The following HOXA3 variants were observed in gnomAD, a reference collection of about 807,000 sequenced individuals.
HOXA3 encodes the protein homeobox protein Hox-A3.
In HOXA3, 8 loss-of-function variants were observed where a neutral mutation model predicts 30.3. The ratio of observed to expected loss-of-function variants is 0.26; its 90% CI spans 0.15 to 0.48. HOXA3 has a LOEUF of 0.48. Ranked by LOEUF, HOXA3 falls within the 20% of genes least tolerant of loss-of-function variation. The probability of loss-of-function intolerance (pLI) is 0.99; values close to 1 mark genes in which losing one functional copy is unlikely to be tolerated. For synonymous variants in HOXA3, 323 were observed against 273.1 expected, an observed-to-expected ratio of 1.18 and a Z score of -1.80; for missense variants, 653 against 614.4, an observed-to-expected ratio of 1.06 and a Z score of -0.66.
In HOXA3 at chr7:27,132,874, C is replaced by G. The variant is rs375759587; in HGVS notation, c.-389-5804G>C. 4.6e-5 allele frequency among the ~76,000 whole-genome samples: 7 copies of G among 152,300 alleles called. No individual in the cohort carries two copies. The South Asian group carries it at 1.4e-3, about 32-fold the overall frequency. The stretch of plus-strand genomic sequence containing the variant: ...TCTTCCCTCCTTCTCATGTCATCAG[C>G]CTTGAGTACTAGGGTCTTAACCATA... On this transcript the variant is annotated intron_variant, in intron 2 of 5. Coordinates refer to ENST00000612286, the MANE Select transcript of HOXA3 (RefSeq NM_153631.3).
chr7:27,129,751 G>T (rs1785439868), intron 2 of HOXA3, among the ~76,000 whole-genome samples: 1 of 152,198 alleles, frequency 6.6e-6, no homozygotes, highest in Non-Finnish European at 1.5e-5. Context: ...ACAGGCTATT[G>T]ACAACGGGAA....
At chr7:27,119,327 G>C (rs1784895884) in intron 4 of HOXA3, among the ~76,000 whole-genome samples, 1 of 151,834 alleles carries the variant, frequency 6.6e-6, no homozygotes, top group South Asian at 2.1e-4. Context: ...TTCCTATAGA[G>C]ATATCAACTC....
chr7:27,113,137 G>A lies in HOXA3; in HGVS notation c.-120-2377C>T, dbSNP rs1784472701. Among the ~76,000 whole-genome samples the A allele has an allele frequency of 6.6e-6, 1 of 152,162 alleles. No individual in the cohort carries two copies. Among genetic ancestry groups the A allele is most frequent in the African/African-American group, 2.4e-5 (1 of 41,418 alleles). On this transcript the variant is annotated intron_variant, in intron 4 of 5. Transcript: ENST00000612286. This position sits in a 1 kb window ranked among gnomAD's most constrained non-coding sequence, Gnocchi z 4.8. ...TCTGTACCGCCAAGCAAGGGCTGGG[G>A]ATGAGGGGAGATTCCTCCACAAAGA... is the stretch of plus-strand genomic sequence containing the variant.
intron 3 of HOXA3, chr7:27,124,220 C>T (rs1178059655): frequency 6.6e-6 from 1 of 152,288 alleles, no homozygotes; most frequent in East Asian, 1.9e-4. Flanking sequence ...CGTGGCCTCT[C>T]TCTCCGCGTT....
intron 2 of HOXA3, among the ~76,000 whole-genome samples, chr7:27,127,970 T>C (rs971252863): frequency 6.6e-6 from 1 of 152,230 alleles, no homozygotes; most frequent in Non-Finnish European, 1.5e-5. Context: ...TCCCAGTCTG[T>C]AGTTAGTGAA....
chr7:27,135,043 T>C (rs1785670236), intron 2 of HOXA3, among the ~76,000 whole-genome samples: 2 of 152,280 alleles, frequency 1.3e-5, no homozygotes, highest in South Asian at 4.1e-4. Context: ...TCTAGATGCA[T>C]GAAAAATAAA....
At chr7:27,146,683 G>A (rs1234799633) in intron 1 of HOXA3, among the ~76,000 whole-genome samples, 1 of 152,128 alleles carries the variant, frequency 6.6e-6, no homozygotes, top group Admixed American at 6.5e-5. Flanking sequence ...AGGGTGGTGG[G>A]GGGTCCCTCC....
intron 1 of HOXA3, chr7:27,143,400 C>T: frequency 6.2e-7 from 1 of 1,607,696 alleles, no homozygotes; most frequent in African/African-American, 1.3e-5. Context: ...TAGCTGCGGG[C>T]GCGCTCTCCG....
rs1784534839 is a variant in HOXA3, at chr7:27,113,991, TG to T, written c.-120-3232del. On this transcript the variant is annotated intron_variant, in intron 4 of 5. Transcript: ENST00000612286. This position sits in a 1 kb window ranked among gnomAD's most constrained non-coding sequence, Gnocchi z 4.8. Reference sequence around the variant, plus strand: ...TCTGCCTGGGCTAGTGGCACCGACTTGGGTATGTTTCTTATGAATATTACAC... The same window carrying T: ...TCTGCCTGGGCTAGTGGCACCGACTTGGTATGTTTCTTATGAATATTACAC... 7.0e-6 allele frequency: 1 copy of T among 142,478 alleles called. No homozygotes were observed. The highest frequency in any genetic ancestry group is 2.5e-4 in the South Asian group (1 of 4,004). The allele number at this position is 142,478 out of a possible 1,614,324, so 8.8% of individuals were successfully genotyped here. A position where few individuals can be genotyped will look rare whatever the true frequency, so the allele number is the denominator to read the frequency against.
At chr7:27,110,069 C>T in intron 5 of HOXA3, 46 bp downstream of exon 5, 1 of 1,612,640 alleles carries the variant, frequency 6.2e-7, no homozygotes, top group Non-Finnish European at 8.5e-7. Flanking sequence ...AGCTTGGGGA[C>T]CAGGAGCCAG....
At chr7:27,118,855 C>T (rs912812261) in intron 4 of HOXA3, among the ~76,000 whole-genome samples, 1 of 152,150 alleles carries the variant, frequency 6.6e-6, no homozygotes, top group Non-Finnish European at 1.5e-5. Flanking sequence ...TTGCTAACAC[C>T]CACACCATAC....
At chr7:27,118,295 G>T (rs1253793548) in intron 4 of HOXA3, among the ~76,000 whole-genome samples, 1 of 152,208 alleles carries the variant, frequency 6.6e-6, no homozygotes, top group Non-Finnish European at 1.5e-5. Flanking sequence ...GTGCGTGGGG[G>T]TTGGGGGAAA....
At position 27,108,329 on chromosome 7, in the gene HOXA3, C is replaced by T; in HGVS notation, c.918G>A (p.Gly306=). The T allele has an allele frequency of 6.6e-7, 1 of 1,510,382 alleles. No individual in the cohort carries two copies. The highest frequency in any genetic ancestry group is 9.0e-7 in the Non-Finnish European group (1 of 1,117,006). The allele number at this position is 1,510,382 out of a possible 1,614,324, so 93.6% of individuals were successfully genotyped here. ...ACGCAGGGTAGGAGGCGGGGGGCAG[C>T]CCGTAGGTACCCTGGGGGGGCTTGG... ...PFSKPPQGTY[G]LPPASYPASL... is the part of the protein sequence containing the mutation. The change falls in exon 6 of 6, where the codon GGG becomes GGA. Residue 306 remains glycine (G), a synonymous_variant. Coordinates refer to ENST00000612286, the MANE Select transcript of HOXA3 (RefSeq NM_153631.3). The surrounding 1 kb of genome is among the most constrained non-coding windows in gnomAD (Gnocchi z 5.0).
At chr7:27,143,923 G>T (rs1364081765) in intron 1 of HOXA3, among the ~76,000 whole-genome samples, 1 of 152,224 alleles carries the variant, frequency 6.6e-6, no homozygotes, top group Non-Finnish European at 1.5e-5. Flanking sequence ...AGCGCCACCC[G>T]CTGGAGGCAG....
At chr7:27,146,272 TG>T (rs17500869) in intron 1 of HOXA3, among the ~76,000 whole-genome samples, 1 of 151,546 alleles carries the variant, frequency 6.6e-6, no homozygotes, top group Non-Finnish European at 1.5e-5. Flanking sequence ...TGTGTGTGTG[TG>T]TCTGGGGTGG....
At chr7:27,136,420 C>G (rs552016671) in intron 2 of HOXA3, among the ~76,000 whole-genome samples, 3 of 152,092 alleles carry the variant, frequency 2.0e-5, no homozygotes, top group Non-Finnish European at 4.4e-5. Flanking sequence ...AATGGGAGAA[C>G]CTTGCAAAAA....
chr7:27,126,692 G>A (rs1235842687), intron 3 of HOXA3, among the ~76,000 whole-genome samples, 194 bp downstream of exon 3: 1 of 152,040 alleles, frequency 6.6e-6, no homozygotes, highest in Non-Finnish European at 1.5e-5. Flanking sequence ...CAATACAGTT[G>A]GGACAAAAAT....
chr7:27,112,547 T>C (rs80011180), intron 4 of HOXA3, among the ~76,000 whole-genome samples: 1 of 152,340 alleles, frequency 6.6e-6, no homozygotes, highest in East Asian at 1.9e-4. Flanking sequence ...GTTTCTCTTT[T>C]GGAAATAGGA....
chr7:27,132,277 G>T (rs1170636515), intron 2 of HOXA3, among the ~76,000 whole-genome samples: 1 of 152,220 alleles, frequency 6.6e-6, no homozygotes, highest in Non-Finnish European at 1.5e-5. Flanking sequence ...TCTCACAACT[G>T]AGTCTGGAAC....
Sources: gnomAD v4.1 joint callset for allele counts (sites outside exome capture counted in the v4.1 genomes callset) on GRCh38, gnomAD v4.1.1 for gene constraint, Gnocchi (gnomAD v3.1) non-coding constraint, MANE v1.5 for transcripts, NCBI Gene and HGNC (gene_info 2026-07-23, HGNC 2026-07-21) for gene names.